The following PCDHA1 variants were observed in gnomAD, a reference collection of about 807,000 sequenced individuals.
The protein encoded by PCDHA1 is protocadherin alpha 1.
PCDHA1 carries 42 observed loss-of-function variants against 61.3 expected under a neutral mutation model. The ratio of observed to expected loss-of-function variants is 0.69; its 90% CI spans 0.54 to 0.89. PCDHA1 has a LOEUF of 0.89. Ranked by LOEUF, PCDHA1 falls within the 40% of genes least tolerant of loss-of-function variation. The probability of loss-of-function intolerance (pLI) is 0.00; values close to 1 mark genes in which losing one functional copy is unlikely to be tolerated. For missense variants in PCDHA1, 1,256 were observed against 1,235.3 expected (o/e 1.02, Z -0.25); for synonymous variants, 610 against 553.8 (o/e 1.10, Z -1.43).
At position 140,807,745 on chromosome 5, in the gene PCDHA1, C is replaced by T. The variant is rs782662590; in HGVS notation, c.2394+19061C>T. On this transcript the variant is annotated intron_variant, in intron 1 of 3. Transcript: ENST00000504120. ...TTTCTCTGGAAAAACCACCTGATGA[C>T]GAGCTGGTAAAAGGTCTTGGGCTTA... 19 of 1,614,132 alleles carry T rather than the reference C, an allele frequency of 1.2e-5. No homozygotes were observed. In the Admixed American group the frequency reaches 3.2e-4, roughly 27 times the overall value.
intron 1 of PCDHA1, among the ~76,000 whole-genome samples, chr5:140,909,836 C>T (rs2074710574): frequency 6.6e-6 from 1 of 152,176 alleles, no homozygotes; most frequent in South Asian, 2.1e-4. Flanking sequence ...ACTGGAGGAC[C>T]ACCAGGACGT....
intron 1 of PCDHA1, chr5:140,882,310 A>G (rs2059059274): frequency 6.2e-7 from 1 of 1,613,930 alleles, no homozygotes; most frequent in Non-Finnish European, 8.5e-7. Context: ...CGCGGCAACT[A>G]CTGCTCTGGC....
At chr5:140,995,687 G>C (rs983290111) in intron 3 of PCDHA1, among the ~76,000 whole-genome samples, 3 of 152,062 alleles carry the variant, frequency 2.0e-5, no homozygotes, top group Admixed American at 6.5e-5. Context: ...TTTTTTAATT[G>C]TTAAATAAAG....
At position 140,927,496 on chromosome 5, in the gene PCDHA1, G is replaced by A. The variant is rs1206944698; in HGVS notation, c.2395-51453G>A. ...CGAACAGCGCGCCACCCACCTGCTG[G>A]TGCTTACAGCTCGGGACGGCGGGCT... On this transcript the variant is annotated intron_variant, in intron 1 of 3. Coordinates refer to ENST00000504120, the MANE Select transcript of PCDHA1 (RefSeq NM_018900.4). 10 of 1,614,026 alleles carry A rather than the reference G, an allele frequency of 6.2e-6. No individual in the cohort carries two copies. In the African/African-American group the frequency reaches 8.0e-5, roughly 13 times the overall value.
rs782034471 is a variant in PCDHA1 at position 141,010,170 on chromosome 5, T to G, written c.*233T>G. ...TCCACTCTGGCTTGTTTTCAGAACCTAAAAAGCAGACCCAAGTTTCCTTTC... is the reference window on the plus strand; with the variant it reads ...TCCACTCTGGCTTGTTTTCAGAACCGAAAAAGCAGACCCAAGTTTCCTTTC... On this transcript the variant is annotated 3_prime_UTR_variant, in exon 4 of 4. Transcript: ENST00000504120. 6.4e-7 allele frequency: 1 copy of G among 1,559,590 alleles called. No individual in the cohort carries two copies.
At chr5:140,829,507 C>G in intron 1 of PCDHA1, 1 of 1,613,584 alleles carries the variant, frequency 6.2e-7, no homozygotes, top group Admixed American at 1.7e-5. Context: ...CGCCGGGCTG[C>G]CACATCTTCA....
intron 1 of PCDHA1, among the ~76,000 whole-genome samples, chr5:140,976,448 G>C (rs2096716831): frequency 6.6e-6 from 1 of 152,148 alleles, no homozygotes; most frequent in Non-Finnish European, 1.5e-5. Context: ...CTACTAGGGA[G>C]GCTGGGGAAG....
chr5:140,987,012 G>A (rs2097222470), intron 3 of PCDHA1, among the ~76,000 whole-genome samples: 1 of 151,994 alleles, frequency 6.6e-6, no homozygotes. Context: ...TCATGAGTTC[G>A]AGACCAGCCT....
intron 1 of PCDHA1, chr5:140,868,902 T>G (rs2050730920): frequency 1.2e-6 from 1 of 837,896 alleles, no homozygotes; most frequent in African/African-American, 1.7e-5. Context: ...AAGGTGTCGC[T>G]CTTTACTTGG....
At chr5:140,872,883 A>G (rs1249618014) in intron 1 of PCDHA1, among the ~76,000 whole-genome samples, 1 of 152,204 alleles carries the variant, frequency 6.6e-6, no homozygotes, top group Non-Finnish European at 1.5e-5. Flanking sequence ...AGTTTCATTC[A>G]TCTCACTTTG....
rs782379229 is a variant in PCDHA1, at chr5:140,927,578, A to G, written c.2395-51371A>G. ...ATCATTGTGGTGGACACAAATGACAACGCGCCTGTATTTGAGCGCTCCGTA... is the reference window on the plus strand; with the variant it reads ...ATCATTGTGGTGGACACAAATGACAGCGCGCCTGTATTTGAGCGCTCCGTA... On this transcript the variant is annotated intron_variant, in intron 1 of 3. Transcript: ENST00000504120. 1.5e-5 allele frequency: 24 copies of G among 1,614,024 alleles called. No homozygotes were observed. The highest frequency in any genetic ancestry group is 2.0e-5 in the Non-Finnish European group (24 of 1,180,026).
intron 1 of PCDHA1, among the ~76,000 whole-genome samples, chr5:140,974,086 A>G (rs1554235813): frequency 2.6e-5 from 4 of 152,256 alleles, no homozygotes; most frequent in Non-Finnish European, 5.9e-5. Context: ...CATGACTTCA[A>G]AAATCAAAGG....
chr5:140,803,060 G>T, intron 1 of PCDHA1: 21 of 1,613,978 alleles, frequency 1.3e-5, no homozygotes, highest in Non-Finnish European at 1.8e-5. Context: ...CGCGCATCCC[G>T]TTTCGCGTGG....
chr5:140,908,730 C>G (rs1367655223), intron 1 of PCDHA1, among the ~76,000 whole-genome samples: 4 of 152,124 alleles, frequency 2.6e-5, no homozygotes, highest in Non-Finnish European at 4.4e-5. Context: ...TCATATGGCT[C>G]GAGAAACAGA....
At chr5:140,821,810 G>A (rs1767067233) in intron 1 of PCDHA1, 2 of 1,613,712 alleles carry the variant, frequency 1.2e-6, no homozygotes, top group Non-Finnish European at 1.7e-6. Context: ...CTGGGATCCC[G>A]GCTCCTGCTG....
chr5:140,829,552 C>A (rs1302023406), intron 1 of PCDHA1: 5 of 1,612,754 alleles, frequency 3.1e-6, no homozygotes, highest in African/African-American at 1.3e-5. Context: ...CGCAGGAGAA[C>A]GCGCTGGTGT....
At chr5:140,812,314 C>T (rs2126637333) in intron 1 of PCDHA1, 11 of 152,086 alleles carry the variant, frequency 7.2e-5, no homozygotes, top group Non-Finnish European at 1.0e-4. Context: ...TTAAAAGCCT[C>T]TTATAATTGT....
intron 1 of PCDHA1, among the ~76,000 whole-genome samples, chr5:140,838,860 T>C (rs2150293011): frequency 1.3e-4 from 20 of 151,904 alleles, no homozygotes; most frequent in Non-Finnish European, 2.9e-4. Context: ...AGGTCCAAGC[T>C]GCAGTTATCA....
chr5:140,852,717 C>T lies in PCDHA1; in HGVS notation c.2394+64033C>T, dbSNP rs2042449102. ...ACTTTCAAGTATCTTTGTCTTTGCA[C>T]GTTTTTCAAGTTTCATGTGCCATTT... is the stretch of plus-strand genomic sequence containing the variant. On this transcript the variant is annotated intron_variant, in intron 1 of 3. Transcript: ENST00000504120. 6 of 981,714 alleles carry T rather than the reference C, an allele frequency of 6.1e-6. 2 individuals carry two copies. Among genetic ancestry groups the T allele is most frequent in the Non-Finnish European group, 7.4e-6 (6 of 814,360 alleles). 60.8% of individuals were successfully genotyped at this position (981,714 alleles called of 1,614,324 possible).
Sources: gnomAD v4.1 joint callset for allele counts (sites outside exome capture counted in the v4.1 genomes callset) on GRCh38, gnomAD v4.1.1 for gene constraint, MANE v1.5 for transcripts, NCBI Gene and HGNC (gene_info 2026-07-23, HGNC 2026-07-21) for gene names.